The following MPRIP variants were observed in gnomAD, a reference collection of about 807,000 sequenced individuals.
MPRIP encodes the protein myosin phosphatase Rho-interacting protein.
In MPRIP, 59 loss-of-function variants were observed where a neutral mutation model predicts 234.9. The ratio of observed to expected loss-of-function variants is 0.25; its 90% CI spans 0.20 to 0.31. The LOEUF is 0.31. Among genes scored for constraint, MPRIP ranks in the 10% least tolerant of loss-of-function variants. The pLI, the probability that MPRIP is intolerant of heterozygous loss-of-function variation, is 1.00. For synonymous variants in MPRIP, 1,144 were observed against 1,263.9 expected (o/e 0.91, Z 2.01); for missense variants, 2,436 against 3,071.0 (o/e 0.79, Z 4.89).
Position 17,165,089 on chromosome 17 carries a change from G to A in MPRIP, c.3498G>A (p.Lys1166=), listed in dbSNP as rs2045955176. The A allele has an allele frequency of 1.1e-5, 14 of 1,303,642 alleles. No individual in the cohort carries two copies. Among genetic ancestry groups the A allele is most frequent in the Non-Finnish European group, 1.4e-5 (14 of 988,982 alleles). The allele number at this position is 1,303,642 out of a possible 1,614,324, so 80.8% of individuals were successfully genotyped here. A position where few individuals can be genotyped will look rare whatever the true frequency, so the allele number is the denominator to read the frequency against. Residue 1166 remains lysine (K), a synonymous_variant, in exon 16 of 24, where the codon AAG becomes AAA. Coordinates refer to ENST00000651222, the MANE Select transcript of MPRIP (RefSeq NM_001364716.4). ...GCATGCACACTCTGCTGAGAGAGAA[G>A]GAGGAAGAGCTGGAGCGCATTAAGG... ...LQSMHTLLRE[K]EEELERIKEA... is the part of the protein sequence containing the mutation.
intron 23 of MPRIP, chr17:17,180,610 G>C: frequency 6.2e-7 from 1 of 1,613,700 alleles, no homozygotes; most frequent in Non-Finnish European, 8.5e-7. Flanking sequence ...CTGACAGTCC[G>C]TAATTGAGCA....
intron 1 of MPRIP, among the ~76,000 whole-genome samples, chr17:17,075,502 C>T: frequency 6.6e-6 from 1 of 152,136 alleles, no homozygotes; most frequent in East Asian, 1.9e-4. Flanking sequence ...CTGCCAGGGC[C>T]TGTATGCTCT....
At chr17:17,091,844 G>A (rs906283197) in intron 3 of MPRIP, among the ~76,000 whole-genome samples, 7 of 152,228 alleles carry the variant, frequency 4.6e-5, no homozygotes, top group African/African-American at 1.7e-4. Flanking sequence ...CCGAGATGGA[G>A]AAGAGAATAC....
chr17:17,084,092 C>G (rs145497064), intron 3 of MPRIP, among the ~76,000 whole-genome samples: 1 of 152,104 alleles, frequency 6.6e-6, no homozygotes, highest in Non-Finnish European at 1.5e-5. Context: ...CCCAGGCAGG[C>G]GAGAGGAACC....
In MPRIP at chr17:17,166,039, G is replaced by A. The variant is rs1399025547; in HGVS notation, c.4448G>A (p.Arg1483Gln). The A allele has an allele frequency of 2.2e-5, 29 of 1,303,512 alleles. No individual in the cohort carries two copies. Among genetic ancestry groups the A allele is most frequent in the African/African-American group, 3.0e-5 (2 of 65,848 alleles). The allele number at this position is 1,303,512 out of a possible 1,614,324, so 80.7% of individuals were successfully genotyped here. Residue 1483 changes from arginine (R) to glutamine (Q), a missense_variant, in exon 16 of 24, where the codon CGA becomes CAA. This residue lies in a region of MPRIP where 1,998 missense variants were observed against 2,520.3 expected (regional missense o/e 0.79). Transcript: ENST00000651222. This position sits in a 1 kb window ranked among gnomAD's most constrained non-coding sequence, Gnocchi z 4.4. ...GCCCTGATGTGCCTGGAAAATTGCC[G>A]AGAACAACTGAGATCTCTGCCTAGG... The part of the protein sequence containing the change: ...SQALMCLENC[R>Q]EQLRSLPRAS...
chr17:17,162,279 A>G (rs887188577), intron 15 of MPRIP, among the ~76,000 whole-genome samples: 3 of 152,164 alleles, frequency 2.0e-5, no homozygotes, highest in African/African-American at 7.2e-5. Context: ...ACTTAGACCC[A>G]GTGATCCCTG....
chr17:17,128,352 T>C (rs1210386704), intron 4 of MPRIP, among the ~76,000 whole-genome samples: 3 of 152,098 alleles, frequency 2.0e-5, no homozygotes, highest in Non-Finnish European at 2.9e-5. Context: ...GACCAGCACA[T>C]AGAGGTATGT....
At chr17:17,111,922 G>A (rs981266734) in intron 3 of MPRIP, among the ~76,000 whole-genome samples, 6 of 152,064 alleles carry the variant, frequency 3.9e-5, no homozygotes, top group Non-Finnish European at 7.4e-5. Flanking sequence ...CCTGGCATTT[G>A]TTTAGCTTGC....
intron 1 of MPRIP, among the ~76,000 whole-genome samples, chr17:17,071,447 C>T (rs1015481120): frequency 1.3e-5 from 2 of 152,164 alleles, no homozygotes; most frequent in African/African-American, 2.4e-5. Flanking sequence ...ATCCTGGGTC[C>T]CTGGCCCACT....
intron 5 of MPRIP, among the ~76,000 whole-genome samples, chr17:17,134,816 G>A (rs1170593633): frequency 6.6e-6 from 1 of 152,232 alleles, no homozygotes; most frequent in African/African-American, 2.4e-5. Flanking sequence ...CCTCCCTTGG[G>A]AGGTGGGTGG....
chr17:17,051,003 G>A (rs2088523149), intron 1 of MPRIP, among the ~76,000 whole-genome samples: 1 of 152,220 alleles, frequency 6.6e-6, no homozygotes, highest in African/African-American at 2.4e-5. Context: ...CAAGGCCTAT[G>A]TTCTCTTCCT....
intron 15 of MPRIP, among the ~76,000 whole-genome samples, chr17:17,162,414 C>T (rs922507069): frequency 6.6e-6 from 1 of 152,256 alleles, no homozygotes; most frequent in Non-Finnish European, 1.5e-5. Flanking sequence ...CTCAGCTGGC[C>T]TCTGACCATA....
chr17:17,150,355 T>TA (rs1405830709), intron 12 of MPRIP, 122 bp downstream of exon 12: 1 of 692,610 alleles, frequency 1.4e-6, no homozygotes, highest in African/African-American at 1.8e-5. Context: ...GGTCAGCACT[T>TA]AGTCTTTCCC....
At chr17:17,062,700 C>T (rs760371003) in intron 1 of MPRIP, among the ~76,000 whole-genome samples, 2 of 152,226 alleles carry the variant, frequency 1.3e-5, no homozygotes, top group African/African-American at 2.4e-5. Flanking sequence ...TCCTTGTCCT[C>T]GCTGGTAATT....
rs1406537484 is a variant in MPRIP at position 17,042,841 on chromosome 17, C to T, written c.-8C>T. The stretch of plus-strand genomic sequence containing the variant: ...GCCGCCGCCGCCGCCGTCGCCGCCG[C>T]GCCGACCATGTCGGCAGCCAAGGAG... On this transcript the variant is annotated 5_prime_UTR_variant, in exon 1 of 24. Coordinates refer to ENST00000651222, the MANE Select transcript of MPRIP (RefSeq NM_001364716.4). 7 of 1,518,974 alleles carry T rather than the reference C, an allele frequency of 4.6e-6. No individual in the cohort carries two copies. Among genetic ancestry groups the T allele is most frequent in the Non-Finnish European group, 6.2e-6 (7 of 1,130,606 alleles). The allele number at this position is 1,518,974 out of a possible 1,614,324, so 94.1% of individuals were successfully genotyped here.
At chr17:17,146,209 C>A in intron 10 of MPRIP, 117 bp downstream of exon 10, 1 of 882,804 alleles carries the variant, frequency 1.1e-6, no homozygotes, top group Non-Finnish European at 1.8e-6. Context: ...CTCCATGCCC[C>A]TTGTCTTCAT....
intron 3 of MPRIP, among the ~76,000 whole-genome samples, chr17:17,114,677 A>T (rs568179738): frequency 6.6e-6 from 1 of 150,976 alleles, no homozygotes; most frequent in East Asian, 1.9e-4. Flanking sequence ...CCCAGTTCCC[A>T]TGCCTCTCCT....
chr17:17,072,631 G>T (rs538059768), intron 1 of MPRIP, among the ~76,000 whole-genome samples: 1 of 152,304 alleles, frequency 6.6e-6, no homozygotes, highest in African/African-American at 2.4e-5. Context: ...CCTGAGGGAT[G>T]GTAGAGAGGG....
chr17:17,054,299 A>C lies in MPRIP; in HGVS notation c.123+11328A>C, dbSNP rs560826102. Reference sequence around the variant, plus strand: ...CACCAGGAAGTTCAAAAACAAGGACAAAAGCGGTGGGCTGGCTGAGTGCTT... The same window carrying C: ...CACCAGGAAGTTCAAAAACAAGGACCAAAGCGGTGGGCTGGCTGAGTGCTT... On this transcript the variant is annotated intron_variant, in intron 1 of 23. Coordinates refer to ENST00000651222, the MANE Select transcript of MPRIP (RefSeq NM_001364716.4). Among the ~76,000 whole-genome samples the C allele has an allele frequency of 2.0e-5, 3 of 152,374 alleles. No individual in the cohort carries two copies. In the East Asian group the frequency reaches 5.8e-4, roughly 29 times the overall value.
Sources: gnomAD v4.1 joint callset for allele counts (sites outside exome capture counted in the v4.1 genomes callset) on GRCh38, gnomAD v4.1.1 for gene constraint, gnomAD v4.1.1 regional missense constraint, Gnocchi (gnomAD v3.1) non-coding constraint, MANE v1.5 for transcripts, NCBI Gene and HGNC (gene_info 2026-07-23, HGNC 2026-07-21) for gene names.